The following STAG1 variants were observed in gnomAD, a reference collection of about 807,000 sequenced individuals.
STAG1 encodes cohesin subunit SA-1.
A neutral mutation model predicts 170.9 loss-of-function variants in STAG1; 26 were observed. The ratio of observed to expected loss-of-function variants is 0.15; its 90% CI spans 0.11 to 0.21. STAG1 has a LOEUF of 0.21. STAG1 is among the 10% of genes least tolerant of loss of function. The pLI is 1.00. For missense variants in STAG1, 964 were observed against 1,509.5 expected (o/e 0.64, Z 5.99); for synonymous variants, 514 against 497.7 (o/e 1.03, Z -0.44).
At chr3:136,487,151 A>C (rs1264593080) in intron 9 of STAG1, among the ~76,000 whole-genome samples, 1 of 151,770 alleles carries the variant, frequency 6.6e-6, no homozygotes. Context: ...CCCAACAGGC[A>C]CTGGTGTGTG....
At chr3:136,581,097 T>C (rs936293414) in intron 4 of STAG1, among the ~76,000 whole-genome samples, 2 of 151,670 alleles carry the variant, frequency 1.3e-5, no homozygotes, top group Non-Finnish European at 2.9e-5. Context: ...GCAATCCTCC[T>C]ACCTCAGCCT....
chr3:136,421,771 C>T (rs2087964561), intron 19 of STAG1, among the ~76,000 whole-genome samples: 1 of 152,148 alleles, frequency 6.6e-6, no homozygotes. Flanking sequence ...ACGCTCTATT[C>T]ATTAGCATAT....
chr3:136,385,412 C>T (rs2086845244), intron 22 of STAG1, among the ~76,000 whole-genome samples: 1 of 152,154 alleles, frequency 6.6e-6, no homozygotes, highest in Admixed American at 6.5e-5. Flanking sequence ...TGCACTCTGG[C>T]CTGAGCAATA....
chr3:136,428,478 G>C (rs1297749614), intron 16 of STAG1, among the ~76,000 whole-genome samples: 1 of 152,122 alleles, frequency 6.6e-6, no homozygotes, highest in Non-Finnish European at 1.5e-5. Flanking sequence ...CATCAAAATG[G>C]TCTACTTGCT....
At chr3:136,735,258 T>A (rs759410878) in intron 1 of STAG1, among the ~76,000 whole-genome samples, 4 of 151,380 alleles carry the variant, frequency 2.6e-5, no homozygotes, top group African/African-American at 9.7e-5. Flanking sequence ...CCTGAGTAGA[T>A]AGGACTACAG....
At chr3:136,408,557 T>G (rs2087545297) in intron 21 of STAG1, among the ~76,000 whole-genome samples, 1 of 151,936 alleles carries the variant, frequency 6.6e-6, no homozygotes, top group African/African-American at 2.4e-5. Flanking sequence ...GGGATTAAAC[T>G]AAAGATATGG....
intron 5 of STAG1, among the ~76,000 whole-genome samples, chr3:136,546,757 A>G (rs1936172045): frequency 6.6e-6 from 1 of 152,208 alleles, no homozygotes; most frequent in Non-Finnish European, 1.5e-5. Flanking sequence ...TAGAGCAAAA[A>G]GTTTTAGCAA....
chr3:136,669,152 T>TA (rs1941904675), intron 1 of STAG1, among the ~76,000 whole-genome samples: 1 of 152,206 alleles, frequency 6.6e-6, no homozygotes, highest in African/African-American at 2.4e-5. Context: ...AGTTGTAGTA[T>TA]TACCTCTGTC....
chr3:136,749,471 G>A (rs1480960807), intron 1 of STAG1, among the ~76,000 whole-genome samples: 1 of 152,170 alleles, frequency 6.6e-6, no homozygotes, highest in African/African-American at 2.4e-5. Flanking sequence ...ACTCTGGCCG[G>A]GCACAGTGGC....
intron 1 of STAG1, among the ~76,000 whole-genome samples, chr3:136,733,963 C>T (rs1036316940): frequency 1.3e-5 from 2 of 151,812 alleles, no homozygotes; most frequent in African/African-American, 2.4e-5. Context: ...AAAAATTAGC[C>T]GGGTGTGGTG....
At chr3:136,717,082 T>C (rs1943562355) in intron 1 of STAG1, among the ~76,000 whole-genome samples, 1 of 152,224 alleles carries the variant, frequency 6.6e-6, no homozygotes, top group South Asian at 2.1e-4. Context: ...TTTTGTCTGT[T>C]CTATTTCTCT....
At chr3:136,686,703 T>G (rs183682895) in intron 1 of STAG1, among the ~76,000 whole-genome samples, 75 of 152,312 alleles carry the variant, frequency 4.9e-4, no homozygotes, top group Non-Finnish European at 3.2e-4. Flanking sequence ...TCTAGATGTA[T>G]TTGATGAACT....
chr3:136,562,426 A>C (rs962983431), intron 5 of STAG1, among the ~76,000 whole-genome samples: 10 of 150,318 alleles, frequency 6.7e-5, no homozygotes, highest in African/African-American at 2.5e-4. Flanking sequence ...ACGCCCGGCT[A>C]ATTTTTGTAT....
intron 1 of STAG1, among the ~76,000 whole-genome samples, chr3:136,677,168 T>C (rs894765438): frequency 6.6e-5 from 10 of 152,180 alleles, no homozygotes; most frequent in African/African-American, 1.4e-4. Flanking sequence ...ACCAGTGACA[T>C]AGTCATTTAT....
chr3:136,555,214 T>C (rs570089037), intron 5 of STAG1, among the ~76,000 whole-genome samples: 151 of 151,298 alleles, frequency 1.0e-3, no homozygotes, highest in African/African-American at 3.3e-3. Context: ...TTTATCAAAA[T>C]AATAAAAACA....
At chr3:136,582,865 A>T (rs1273347345) in intron 4 of STAG1, among the ~76,000 whole-genome samples, 1 of 152,206 alleles carries the variant, frequency 6.6e-6, no homozygotes, top group Non-Finnish European at 1.5e-5. Context: ...TGAACCAGCA[A>T]ATCTCCACAA....
intron 4 of STAG1, among the ~76,000 whole-genome samples, chr3:136,575,381 T>C (rs1388397000): frequency 6.6e-6 from 1 of 152,194 alleles, no homozygotes; most frequent in Non-Finnish European, 1.5e-5. Flanking sequence ...TATGCCACTG[T>C]GCCTGGTTAA....
intron 23 of STAG1, among the ~76,000 whole-genome samples, chr3:136,371,451 A>C (rs1937334343): frequency 6.6e-6 from 1 of 152,176 alleles, no homozygotes; most frequent in Non-Finnish European, 1.5e-5. Flanking sequence ...CCTGAATGGT[A>C]ATGCCTAGGT....
intron 1 of STAG1, among the ~76,000 whole-genome samples, chr3:136,631,990 G>A (rs1373945771): frequency 2.6e-5 from 4 of 151,938 alleles, no homozygotes; most frequent in Non-Finnish European, 5.9e-5. Context: ...ACAGTTAAAG[G>A]GAAAATTCAA....
Sources: allele counts gnomAD v4.1 joint callset (sites outside exome capture counted in the v4.1 genomes callset), GRCh38; gene constraint gnomAD v4.1.1; transcripts MANE v1.5; gene names NCBI Gene and HGNC (gene_info 2026-07-23, HGNC 2026-07-21).